DOCK3: variants seen among roughly 807,000 people sequenced by gnomAD.
The protein encoded by DOCK3 is dedicator of cytokinesis protein 3.
In DOCK3, 60 loss-of-function variants were observed where a neutral mutation model predicts 265.6. The observed-to-expected ratio is 0.23, with a 90% CI of 0.18 to 0.28. The LOEUF is 0.28. Ranked by LOEUF, DOCK3 falls within the 10% of genes least tolerant of loss-of-function variation. DOCK3 has a pLI of 1.00. For synonymous variants in DOCK3, 881 were observed against 938.0 expected, an observed-to-expected ratio of 0.94 and a Z score of 1.11; for missense variants, 1,981 against 2,594.3, an observed-to-expected ratio of 0.76 and a Z score of 5.14.
At chr3:51,002,646 T>C (rs1249040468) in intron 5 of DOCK3, among the ~76,000 whole-genome samples, 2 of 152,208 alleles carry the variant, frequency 1.3e-5, no homozygotes, top group African/African-American at 2.4e-5. Flanking sequence ...GAGATCCAGT[T>C]GTTTCAAAAC....
chr3:51,067,456 T>C (rs111462247), intron 6 of DOCK3, among the ~76,000 whole-genome samples: 25 of 150,332 alleles, frequency 1.7e-4, no homozygotes, highest in South Asian at 1.5e-3. Flanking sequence ...TGTGTGTGTG[T>C]GCGCGCGCGT....
chr3:51,252,339 A>G (rs2079297012), intron 22 of DOCK3, among the ~76,000 whole-genome samples: 1 of 152,222 alleles, frequency 6.6e-6, no homozygotes, highest in African/African-American at 2.4e-5. Flanking sequence ...TGTCTTGGCA[A>G]TGCAGGCTCT....
At chr3:51,354,604 C>T (rs1161770030) in intron 40 of DOCK3, among the ~76,000 whole-genome samples, 1 of 152,094 alleles carries the variant, frequency 6.6e-6, no homozygotes, top group African/African-American at 2.4e-5. Context: ...TTCTAAAATC[C>T]CATCTCCCAC....
chr3:51,117,672 T>C lies in DOCK3; in HGVS notation c.746+27288T>C, dbSNP rs2083800558. Among the ~76,000 whole-genome samples the C allele has an allele frequency of 4.6e-5, 7 of 152,222 alleles. No individual in the cohort carries two copies. In the South Asian group the frequency reaches 1.5e-3, roughly 32 times the overall value. ...TTGGTCTATTCAGGGATTCACCTTC[T>C]TCCTGGTTTAGTCTTGGGAGAGTGT... On this transcript the variant is annotated intron_variant, in intron 9 of 52. Transcript: ENST00000266037.
rs918144049 is a variant in DOCK3 at position 50,681,679 on chromosome 3, A to T, written c.37+6379A>T. On this transcript the variant is annotated intron_variant, in intron 1 of 52. Coordinates refer to ENST00000266037, the MANE Select transcript of DOCK3 (RefSeq NM_004947.5). ...ACACCTTAGGGATACTCTAGTAAAG[A>T]TAATTACTATGTTGGGAAATGTCAT... Among the ~76,000 whole-genome samples the T allele has an allele frequency of 3.3e-5, 5 of 152,332 alleles. No homozygotes were observed. The East Asian group carries it at 9.6e-4, about 29-fold the overall frequency.
At chr3:50,839,766 C>T (rs1458974793) in intron 2 of DOCK3, among the ~76,000 whole-genome samples, 4 of 117,368 alleles carry the variant, frequency 3.4e-5, no homozygotes, top group African/African-American at 1.2e-4. Flanking sequence ...CCCCTCCTCT[C>T]TCCTCTCCTC....
At chr3:51,146,486 C>G (rs1403640563) in intron 9 of DOCK3, 63 bp from the exon 10 acceptor site, 4 of 1,512,472 alleles carry the variant, frequency 2.6e-6, no homozygotes, top group Non-Finnish European at 3.6e-6. Context: ...CGTATCTGCC[C>G]TTTTTCTTTG....
chr3:50,708,124 G>A (rs1048383731), intron 1 of DOCK3, among the ~76,000 whole-genome samples: 2 of 152,138 alleles, frequency 1.3e-5, no homozygotes, highest in Admixed American at 1.3e-4. Flanking sequence ...CTCTGGCCCT[G>A]CTAATGGTGC....
chr3:50,863,828 A>T (rs2047023348), intron 3 of DOCK3, among the ~76,000 whole-genome samples: 1 of 152,212 alleles, frequency 6.6e-6, no homozygotes, highest in Non-Finnish European at 1.5e-5. Flanking sequence ...TCAGTTTTGT[A>T]TATATACTAT....
At chr3:51,134,833 A>G (rs908245685) in intron 9 of DOCK3, among the ~76,000 whole-genome samples, 4 of 152,322 alleles carry the variant, frequency 2.6e-5, no homozygotes, top group Middle Eastern at 6.8e-3. Context: ...TTTGAGTTCA[A>G]ACCTTTCCAG....
At chr3:51,203,701 T>C (rs1335948736) in intron 12 of DOCK3, among the ~76,000 whole-genome samples, 3 of 152,094 alleles carry the variant, frequency 2.0e-5, no homozygotes, top group Admixed American at 6.6e-5. Flanking sequence ...GAGCCTGCAT[T>C]GCCAAGTCAA....
intron 2 of DOCK3, among the ~76,000 whole-genome samples, chr3:50,814,581 G>T (rs1236007909): frequency 6.6e-6 from 1 of 151,914 alleles, no homozygotes; most frequent in African/African-American, 2.4e-5. Flanking sequence ...ACAATATTAT[G>T]AACTTAACCA....
chr3:51,061,616 GA>G (rs2109244695), intron 5 of DOCK3, among the ~76,000 whole-genome samples: 2 of 152,064 alleles, frequency 1.3e-5, no homozygotes, highest in South Asian at 4.2e-4. Context: ...AACATTAAAT[GA>G]CAAGTTACTG....
intron 1 of DOCK3, chr3:50,719,548 C>T: frequency 1.6e-6 from 2 of 1,280,996 alleles, no homozygotes; most frequent in Non-Finnish European, 2.2e-6. Context: ...ATCTAGAGCA[C>T]TCCATGGCCT....
intron 1 of DOCK3, among the ~76,000 whole-genome samples, chr3:50,708,014 A>C (rs1191305269): frequency 4.6e-5 from 7 of 152,196 alleles, no homozygotes; most frequent in Admixed American, 3.9e-4. Context: ...TGGACAACCC[A>C]CATGTGAGTT....
chr3:50,757,256 C>T (rs966241536), intron 1 of DOCK3, among the ~76,000 whole-genome samples: 44 of 148,426 alleles, frequency 3.0e-4, no homozygotes, highest in African/African-American at 9.5e-4. Context: ...CTGCAGCTTC[C>T]GCCTCCTGGG....
At chr3:50,882,913 T>C (rs1260476676) in intron 3 of DOCK3, among the ~76,000 whole-genome samples, 1 of 152,180 alleles carries the variant, frequency 6.6e-6, no homozygotes, top group Admixed American at 6.5e-5. Context: ...GTGGCACATA[T>C]ACACCATGGA....
chr3:50,770,967 T>C (rs2041239461), intron 1 of DOCK3, among the ~76,000 whole-genome samples: 7 of 152,102 alleles, frequency 4.6e-5, no homozygotes. Flanking sequence ...CAAATCAAAA[T>C]GGATTACAAC....
At position 50,750,166 on chromosome 3, in the gene DOCK3, C is replaced by G. The variant is rs535544867; in HGVS notation, c.38-28509C>G. On this transcript the variant is annotated intron_variant, in intron 1 of 52. Transcript: ENST00000266037. ...TTGCATGCTCCTTATGAGAATCTAACTAATGACTGATGATCTGAGGTAGGG... is the reference window on the plus strand; with the variant it reads ...TTGCATGCTCCTTATGAGAATCTAAGTAATGACTGATGATCTGAGGTAGGG... 2.0e-5 allele frequency among the ~76,000 whole-genome samples: 3 copies of G among 152,130 alleles called. No individual in the cohort carries two copies. The East Asian group carries it at 5.8e-4, about 29-fold the overall frequency.
Sources: allele counts gnomAD v4.1 joint callset (sites outside exome capture counted in the v4.1 genomes callset), GRCh38; gene constraint gnomAD v4.1.1; transcripts MANE v1.5; gene names NCBI Gene and HGNC (gene_info 2026-07-23, HGNC 2026-07-21).